The following PLAT variants were observed in gnomAD, a reference collection of about 807,000 sequenced individuals.
The protein encoded by PLAT is plasminogen activator, tissue type.
In PLAT, 48 loss-of-function variants were observed where a neutral mutation model predicts 74.9. That is an observed-to-expected ratio of 0.64 (90% confidence interval 0.51 to 0.82). The LOEUF is 0.82. Among genes scored for constraint, PLAT ranks in the 40% least tolerant of loss-of-function variants. PLAT has a pLI of 0.00. For missense variants in PLAT, 673 were observed against 736.2 expected, an observed-to-expected ratio of 0.91 and a Z score of 0.99; for synonymous variants, 307 against 294.4, an observed-to-expected ratio of 1.04 and a Z score of -0.44.
chr8:42,207,553 G>A lies in PLAT; in HGVS notation c.-86C>T, dbSNP rs969878128. ...TTCTCTCCAGCCCTGGACTCCTGTA[G>A]GATCTCAGCTCTGAGCTCCCCACAG... On this transcript the variant is annotated 5_prime_UTR_variant, in exon 1 of 14. Transcript: ENST00000220809. 9.8e-5 allele frequency: 15 copies of A among 152,378 alleles called. 1 individual carries two copies. Among genetic ancestry groups the A allele is most frequent in the Admixed American group, 8.5e-4 (13 of 15,300 alleles). 9.4% of individuals were successfully genotyped at this position (152,378 alleles called of 1,614,324 possible).
rs775983939 is a variant in PLAT at position 42,180,321 on chromosome 8, G to C, written c.1143C>G (p.Gly381=). 3 of 1,614,162 alleles carry C rather than the reference G, an allele frequency of 1.9e-6. No homozygotes were observed. The Admixed American group carries it at 5.0e-5, about 27-fold the overall frequency. Residue 381 remains glycine (G), a synonymous_variant, in exon 11 of 14, where the codon GGC becomes GGG. Coordinates refer to ENST00000220809, the MANE Select transcript of PLAT (RefSeq NM_000930.5). ...CGACTTCAAATTTCTGCTCCTCCTC[G>C]CCAGGGACCACCCGGTATGTTCTGC... The part of the protein sequence containing the change: ...ILGRTYRVVP[G]EEEQKFEVEK...
intron 12 of PLAT, 88 bp downstream of exon 12, chr8:42,179,838 G>T: frequency 1.5e-6 from 2 of 1,337,334 alleles, no homozygotes; most frequent in Non-Finnish European, 2.0e-6. Context: ...CTGGAACTTC[G>T]GTCTCCTGAC....
Position 42,194,050 on chromosome 8 carries a change from C to CTTTTTTTTTTTTTTTTTTT in PLAT, c.-26-858_-26-840dup, listed in dbSNP as rs59850705. Among the ~76,000 whole-genome samples, 25 of 84,910 alleles carry CTTTTTTTTTTTTTTTTTTT rather than the reference C, an allele frequency of 2.9e-4. 1 individual carries two copies. The highest frequency in any genetic ancestry group is 3.8e-4 in the East Asian group (1 of 2,626). The allele number at this position is 84,910 out of a possible 152,430, so 55.7% of individuals were successfully genotyped here. ...CTTTTTCCTTTCTTCTTTCTTCTTT[C>CTTTTTTTTTTTTTTTTTTT]TTTTTTTTTTTTTTTTTTTTGAGAC... On this transcript the variant is annotated intron_variant, in intron 1 of 13. Coordinates refer to ENST00000220809, the MANE Select transcript of PLAT (RefSeq NM_000930.5).
chr8:42,177,762 G>A (rs889831606), intron 13 of PLAT, among the ~76,000 whole-genome samples: 6 of 152,184 alleles, frequency 3.9e-5, no homozygotes, highest in African/African-American at 1.2e-4. Context: ...TGGACTGTAA[G>A]CTGGTACAGC....
At chr8:42,191,521 G>T in intron 2 of PLAT, 107 bp from the exon 3 acceptor site, 2 of 929,272 alleles carry the variant, frequency 2.2e-6, no homozygotes, top group Non-Finnish European at 3.5e-6. Context: ...AGATACCTCT[G>T]CTCAGAGACC....
intron 1 of PLAT, among the ~76,000 whole-genome samples, chr8:42,194,378 C>T (rs6474380): frequency 0.58 from 87,755 of 151,762 alleles, 26,179 homozygotes; most frequent in East Asian, 0.69. Context: ...TGGGATCAGG[C>T]GTGAGCCACC....
intron 1 of PLAT, among the ~76,000 whole-genome samples, chr8:42,194,239 AGAGTGTGTGTGTGTGTGT>A (rs1426555144): frequency 2.1e-4 from 22 of 106,248 alleles, no homozygotes; most frequent in South Asian, 6.4e-4. Flanking sequence ...AGAGAGAGAG[AGAGTGTGTGTGTGTGTGT>A]GTGTGTGTGT....
intron 2 of PLAT, among the ~76,000 whole-genome samples, chr8:42,192,322 A>G (rs1036113755): frequency 7.2e-5 from 11 of 152,066 alleles, no homozygotes; most frequent in African/African-American, 1.2e-4. Flanking sequence ...TCTTTTATAA[A>G]TACAGTCCAC....
At chr8:42,177,414 A>G (rs901345891) in intron 13 of PLAT, among the ~76,000 whole-genome samples, 2 of 152,184 alleles carry the variant, frequency 1.3e-5, no homozygotes, top group African/African-American at 2.4e-5. Context: ...TCTTGGTCCC[A>G]TGGAGGATTA....
In PLAT at chr8:42,175,875, C is replaced by T. The variant is rs1273044195; in HGVS notation, c.*118G>A. The T allele has an allele frequency of 2.6e-5, 25 of 962,894 alleles. No individual in the cohort carries two copies. Among genetic ancestry groups the T allele is most frequent in the East Asian group, 9.9e-5 (4 of 40,254 alleles). The allele number at this position is 962,894 out of a possible 1,614,324, so 59.6% of individuals were successfully genotyped here. Reference sequence around the variant, plus strand: ...TTCCCTCTCCTGTAGGGTCTCGTCCCGCTTCTGCGGTGTGGTGGGTCTGGA... The same window carrying T: ...TTCCCTCTCCTGTAGGGTCTCGTCCTGCTTCTGCGGTGTGGTGGGTCTGGA... On this transcript the variant is annotated 3_prime_UTR_variant, in exon 14 of 14. Transcript: ENST00000220809.
chr8:42,176,214 A>G, intron 13 of PLAT, 63 bp from the exon 14 acceptor site: 1 of 1,233,688 alleles, frequency 8.1e-7, no homozygotes, highest in Non-Finnish European at 1.2e-6. Context: ...GAAAGTCAGT[A>G]TGTGTAGCAT....
intron 1 of PLAT, among the ~76,000 whole-genome samples, chr8:42,199,074 G>A (rs1398353943): frequency 6.6e-6 from 1 of 152,176 alleles, no homozygotes; most frequent in Non-Finnish European, 1.5e-5. Flanking sequence ...CTTTGAGCCT[G>A]GTAGCTCTCA....
chr8:42,191,516 C>T, intron 2 of PLAT, 102 bp from the exon 3 acceptor site: 1 of 1,011,594 alleles, frequency 9.9e-7, no homozygotes, highest in Non-Finnish European at 1.6e-6. Flanking sequence ...CGGCCAGATA[C>T]CTCTGCTCAG....
chr8:42,202,754 G>A (rs975183312), intron 1 of PLAT, among the ~76,000 whole-genome samples: 5 of 152,128 alleles, frequency 3.3e-5, no homozygotes, highest in Admixed American at 2.6e-4. Context: ...GGGTGGGGAC[G>A]GGGGTGGGCT....
chr8:42,183,678 G>A (rs1335370609), intron 7 of PLAT, among the ~76,000 whole-genome samples: 1 of 151,614 alleles, frequency 6.6e-6, no homozygotes, highest in Admixed American at 6.6e-5. Context: ...TTTTTCTCCC[G>A]ACCTGAAACT....
chr8:42,199,832 C>A (rs1728018671), intron 1 of PLAT, among the ~76,000 whole-genome samples: 1 of 152,178 alleles, frequency 6.6e-6, no homozygotes, highest in African/African-American at 2.4e-5. Context: ...CTAAACAAGC[C>A]CTGAAATCTA....
intron 1 of PLAT, among the ~76,000 whole-genome samples, chr8:42,200,943 C>T (rs1178882971): frequency 1.3e-5 from 2 of 152,142 alleles, no homozygotes; most frequent in Non-Finnish European, 2.9e-5. Flanking sequence ...GATTCTCCTT[C>T]TTCAGCCTCC....
intron 1 of PLAT, among the ~76,000 whole-genome samples, chr8:42,204,407 T>G (rs752329775): frequency 6.6e-6 from 1 of 152,138 alleles, no homozygotes; most frequent in Non-Finnish European, 1.5e-5. Context: ...AAGTAAAAAA[T>G]TTATTCTGAG....
chr8:42,202,803 G>A (rs1430217900), intron 1 of PLAT, among the ~76,000 whole-genome samples: 2 of 152,196 alleles, frequency 1.3e-5, no homozygotes, highest in Non-Finnish European at 2.9e-5. Context: ...TCCCAGGCTT[G>A]TTGAGGTTGG....
Sources: gnomAD v4.1 joint callset for allele counts (sites outside exome capture counted in the v4.1 genomes callset) on GRCh38, gnomAD v4.1.1 for gene constraint, MANE v1.5 for transcripts, NCBI Gene and HGNC (gene_info 2026-07-23, HGNC 2026-07-21) for gene names.